Variants in PANX1 observed in about 807,000 individuals in gnomAD.
The protein encoded by PANX1 is pannexin-1.
In PANX1, 30 loss-of-function variants were observed where a neutral mutation model predicts 38.7. The ratio of observed to expected loss-of-function variants is 0.78; its 90% CI spans 0.58 to 1.05. The LOEUF (loss-of-function observed/expected upper bound fraction) is 1.05, where lower values mean the gene tolerates loss of function less well. PANX1 is among the 50% of genes least tolerant of loss of function. The probability of loss-of-function intolerance (pLI) is 0.00; values close to 1 mark genes in which losing one functional copy is unlikely to be tolerated. For synonymous variants in PANX1, 230 were observed against 212.2 expected (o/e 1.08, Z -0.73); for missense variants, 551 against 517.2 (o/e 1.07, Z -0.63).
intron 2 of PANX1, among the ~76,000 whole-genome samples, chr11:94,156,144 C>T (rs1946946565): frequency 6.6e-6 from 1 of 152,088 alleles, no homozygotes; most frequent in Non-Finnish European, 1.5e-5. Context: ...ATGTATTTTA[C>T]ATTTAAGGGT....
At chr11:94,175,585 C>T (rs1198346202) in intron 2 of PANX1, among the ~76,000 whole-genome samples, 1 of 151,662 alleles carries the variant, frequency 6.6e-6, no homozygotes, top group Non-Finnish European at 1.5e-5. Context: ...GTTTCACAAG[C>T]CCATGTTAGA....
intron 1 of PANX1, among the ~76,000 whole-genome samples, chr11:94,144,441 A>G (rs1229135295): frequency 6.7e-6 from 1 of 149,440 alleles, no homozygotes; most frequent in African/African-American, 2.5e-5. Flanking sequence ...CACCAGGTGA[A>G]CTCCACCTGG....
At chr11:94,152,503 C>T (rs1277487450) in intron 1 of PANX1, among the ~76,000 whole-genome samples, 1 of 152,132 alleles carries the variant, frequency 6.6e-6, no homozygotes, top group Non-Finnish European at 1.5e-5. Flanking sequence ...GTGTGCCTGT[C>T]ATGGAGCCTT....
intron 2 of PANX1, among the ~76,000 whole-genome samples, chr11:94,160,212 G>A (rs146166466): frequency 3.0e-4 from 45 of 152,200 alleles, no homozygotes; most frequent in African/African-American, 9.6e-4. Flanking sequence ...TGTTGATTTG[G>A]GGTGGACAGT....
chr11:94,151,783 C>T (rs1380020528), intron 1 of PANX1, among the ~76,000 whole-genome samples: 2 of 152,152 alleles, frequency 1.3e-5, no homozygotes, highest in African/African-American at 2.4e-5. Context: ...CATATTTAAG[C>T]CATTCTTGAA....
intron 1 of PANX1, among the ~76,000 whole-genome samples, chr11:94,149,405 C>T (rs1432643801): frequency 6.6e-6 from 1 of 152,138 alleles, no homozygotes. Context: ...GGTCAAGGCA[C>T]CTGGAGGAGG....
rs892894327 is a variant in PANX1, at chr11:94,150,714, C to T, written c.182-2777C>T. On this transcript the variant is annotated intron_variant, in intron 1 of 4. Coordinates refer to ENST00000227638, the MANE Select transcript of PANX1 (RefSeq NM_015368.4). Reference sequence around the variant, plus strand: ...CTCCCTATTTGTTGCCTGCCCCTCCCTGCCTGGCTCTTGACATCCTTGACT... The same window carrying T: ...CTCCCTATTTGTTGCCTGCCCCTCCTTGCCTGGCTCTTGACATCCTTGACT... Among the ~76,000 whole-genome samples, 5 of 152,290 alleles carry T rather than the reference C, an allele frequency of 3.3e-5. No homozygotes were observed. In the South Asian group the frequency reaches 8.3e-4, roughly 25 times the overall value.
At chr11:94,165,285 AT>A (rs1186203621) in intron 2 of PANX1, among the ~76,000 whole-genome samples, 5 of 147,990 alleles carry the variant, frequency 3.4e-5, no homozygotes, top group African/African-American at 1.2e-4. Flanking sequence ...TGTATAAATG[AT>A]TTTTTTGGTA....
chr11:94,164,114 TC>T (rs1277099437), intron 2 of PANX1, among the ~76,000 whole-genome samples: 2 of 148,260 alleles, frequency 1.3e-5, no homozygotes, highest in African/African-American at 5.3e-5. Flanking sequence ...ATTTGGTCTT[TC>T]TTTTTTTTTT....
chr11:94,132,112 C>T (rs926430305), intron 1 of PANX1, among the ~76,000 whole-genome samples: 1 of 152,182 alleles, frequency 6.6e-6, no homozygotes, highest in African/African-American at 2.4e-5. Flanking sequence ...ATTGAAACTA[C>T]TCTATAAACA....
intron 2 of PANX1, chr11:94,175,713 G>T (rs2134522688): frequency 2.0e-6 from 2 of 982,918 alleles, no homozygotes; most frequent in South Asian, 4.7e-5. Flanking sequence ...TTCTGATTGG[G>T]CAAGAATTAA....
intron 1 of PANX1, among the ~76,000 whole-genome samples, chr11:94,138,432 A>G (rs545388269): frequency 2.6e-5 from 4 of 152,146 alleles, no homozygotes; most frequent in Admixed American, 2.0e-4. Context: ...AATATTTTCT[A>G]GCTAGCCTTT....
intron 2 of PANX1, among the ~76,000 whole-genome samples, chr11:94,155,206 C>G (rs368424983): frequency 1.3e-5 from 2 of 152,112 alleles, no homozygotes; most frequent in South Asian, 2.1e-4. Flanking sequence ...CAAAAATTAG[C>G]TGGGTGTGGT....
At position 94,129,080 on chromosome 11, in the gene PANX1, T is replaced by C; in HGVS notation, c.-233T>C. 1 of 387,732 alleles carries C rather than the reference T, an allele frequency of 2.6e-6. No individual in the cohort carries two copies. The highest frequency in any genetic ancestry group is 4.4e-6 in the Non-Finnish European group (1 of 226,438). The allele number at this position is 387,732 out of a possible 1,614,324, so 24.0% of individuals were successfully genotyped here. A position where few individuals can be genotyped will look rare whatever the true frequency, so the allele number is the denominator to read the frequency against. ...GGGGTGGAACCGCAGGAAGCGGAGC[T>C]CTCGGGTTCCCGCCCCGCCCCGCCC... On this transcript the variant is annotated 5_prime_UTR_variant, in exon 1 of 5. Coordinates refer to ENST00000227638, the MANE Select transcript of PANX1 (RefSeq NM_015368.4).
chr11:94,147,354 C>T (rs1476790555), intron 1 of PANX1, among the ~76,000 whole-genome samples: 6 of 152,146 alleles, frequency 3.9e-5, no homozygotes, highest in Admixed American at 1.3e-4. Context: ...TCTTCTGATG[C>T]CTTTTTTCCC....
intron 1 of PANX1, among the ~76,000 whole-genome samples, chr11:94,151,077 T>G (rs1431062276): frequency 6.6e-6 from 1 of 152,230 alleles, no homozygotes; most frequent in African/African-American, 2.4e-5. Flanking sequence ...AATAATGATG[T>G]GTCTCTCCAT....
intron 1 of PANX1, among the ~76,000 whole-genome samples, chr11:94,151,500 T>C (rs1338189575): frequency 1.3e-5 from 2 of 152,216 alleles, no homozygotes; most frequent in Admixed American, 6.5e-5. Flanking sequence ...TGGACAGATA[T>C]TCCCAAGCAA....
At chr11:94,147,213 ACT>A (rs1486880277) in intron 1 of PANX1, among the ~76,000 whole-genome samples, 1 of 152,134 alleles carries the variant, frequency 6.6e-6, no homozygotes, top group Non-Finnish European at 1.5e-5. Flanking sequence ...ATTGCTTTAA[ACT>A]CTTAGGTGTC....
intron 2 of PANX1, among the ~76,000 whole-genome samples, chr11:94,157,834 G>A (rs1946973802): frequency 1.3e-5 from 2 of 152,050 alleles, no homozygotes; most frequent in African/African-American, 2.4e-5. Context: ...TGTCCTGAAT[G>A]GTATTGCCTA....
Sources: gnomAD v4.1 joint callset for allele counts (sites outside exome capture counted in the v4.1 genomes callset) on GRCh38, gnomAD v4.1.1 for gene constraint, MANE v1.5 for transcripts, NCBI Gene and HGNC (gene_info 2026-07-23, HGNC 2026-07-21) for gene names.